ASTN1: variants seen among roughly 807,000 people sequenced by gnomAD.
The protein encoded by ASTN1 is astrotactin 1, also known as astrotactin-1.
ASTN1 carries 41 observed loss-of-function variants against 140.7 expected under a neutral mutation model. That is an observed-to-expected ratio of 0.29 (90% CI 0.23 to 0.38). ASTN1 has a LOEUF of 0.38. ASTN1 is among the 10% of genes least tolerant of loss of function. The pLI, the probability that ASTN1 is intolerant of heterozygous loss-of-function variation, is 1.00. For missense variants in ASTN1, 1,479 were observed against 1,678.8 expected, an observed-to-expected ratio of 0.88 and a Z score of 2.08; for synonymous variants, 640 against 652.2, an observed-to-expected ratio of 0.98 and a Z score of 0.29.
chr1:176,993,204 T>C (rs1311633648), intron 8 of ASTN1, among the ~76,000 whole-genome samples: 2 of 152,208 alleles, frequency 1.3e-5, no homozygotes, highest in Non-Finnish European at 2.9e-5. Flanking sequence ...CTGAGCTGAC[T>C]ACTACAAACA....
At chr1:176,953,023 C>G (rs1395757006) in intron 11 of ASTN1, among the ~76,000 whole-genome samples, 1 of 152,220 alleles carries the variant, frequency 6.6e-6, no homozygotes, top group Non-Finnish European at 1.5e-5. Flanking sequence ...CCCTAAAATA[C>G]ACAAGGTTAA....
chr1:177,130,876 G>T (rs1681908110), intron 1 of ASTN1, among the ~76,000 whole-genome samples: 1 of 152,194 alleles, frequency 6.6e-6, no homozygotes, highest in African/African-American at 2.4e-5. Flanking sequence ...TGCAGAGGCT[G>T]GTTGTTAGGT....
chr1:176,861,201 A>C lies in ASTN1; in HGVS notation c.*3083T>G. ...ATTCTTTCTTCCTTCTGCAGTAGTA[A>C]AGTGTTTTTCTTCATACTCAGTTTT... On this transcript the variant is annotated 3_prime_UTR_variant, in exon 23 of 23. Transcript: ENST00000361833. 3 of 971,330 alleles carry C rather than the reference A, an allele frequency of 3.1e-6. No homozygotes were observed. The South Asian group carries it at 1.4e-4, about 46-fold the overall frequency. The allele number at this position is 971,330 out of a possible 1,614,324, so 60.2% of individuals were successfully genotyped here. A position where few individuals can be genotyped will look rare whatever the true frequency, so the allele number is the denominator to read the frequency against.
intron 20 of ASTN1, 86 bp from the exon 21 acceptor site, chr1:176,876,723 G>T: frequency 7.6e-7 from 1 of 1,318,916 alleles, no homozygotes. Flanking sequence ...GCCCAGCTCT[G>T]CCTGAATGGG....
rs1672376462 is a variant in ASTN1 at position 176,955,828 on chromosome 1, T to A, written c.1887+1850A>T. The stretch of plus-strand genomic sequence containing the variant: ...CCCTGTGTTTGTCTGCTAATGCATG[T>A]GCATGCTCAAACCCATACTGCAGTG... On this transcript the variant is annotated intron_variant, in intron 11 of 22. Coordinates refer to ENST00000361833, the MANE Select transcript of ASTN1 (RefSeq NM_004319.3). 3.3e-5 allele frequency among the ~76,000 whole-genome samples: 5 copies of A among 152,134 alleles called. No individual in the cohort carries two copies. In the South Asian group the frequency reaches 1.0e-3, roughly 32 times the overall value.
chr1:177,056,112 G>A lies in ASTN1; in HGVS notation c.471+4966C>T, dbSNP rs149818947. Among the ~76,000 whole-genome samples the A allele has an allele frequency of 4.4e-3, 667 of 152,296 alleles. 3 individuals carry two copies. Among genetic ancestry groups the A allele is most frequent in the Non-Finnish European group, 6.5e-3 (445 of 68,036 alleles). The stretch of plus-strand genomic sequence containing the variant: ...AATGTAACAGTAAGGGCAAGGATGA[G>A]GCTTTGGTAGAAAGTTGTTATGCAG... On this transcript the variant is annotated intron_variant, in intron 2 of 22. Coordinates refer to ENST00000361833, the MANE Select transcript of ASTN1 (RefSeq NM_004319.3).
intron 2 of ASTN1, among the ~76,000 whole-genome samples, chr1:177,040,284 G>A (rs10913289): frequency 0.43 from 64,933 of 152,106 alleles, 14,269 homozygotes; most frequent in East Asian, 0.73. Context: ...CAGTTGCCAC[G>A]GGCCACTAAG....
At chr1:177,118,427 C>T (rs1558108410) in intron 1 of ASTN1, among the ~76,000 whole-genome samples, 1 of 152,124 alleles carries the variant, frequency 6.6e-6, no homozygotes, top group Non-Finnish European at 1.5e-5. Context: ...GTGGGCCTCA[C>T]TCTCCCGTGC....
At chr1:177,007,230 C>A (rs371737930) in intron 8 of ASTN1, among the ~76,000 whole-genome samples, 1 of 152,000 alleles carries the variant, frequency 6.6e-6, no homozygotes, top group African/African-American at 2.4e-5. Flanking sequence ...CCTGTCTCTA[C>A]TAAAAATACA....
rs564894469 is a variant in ASTN1, at chr1:177,129,329, T to A, written c.283+35065A>T. ...GATCATTATAGTTTCAAAATCAAAC[T>A]ACAAATAAGTGTAAGGACAGAGGAA... On this transcript the variant is annotated intron_variant, in intron 1 of 22. Coordinates refer to ENST00000361833, the MANE Select transcript of ASTN1 (RefSeq NM_004319.3). Among the ~76,000 whole-genome samples, 8 of 152,220 alleles carry A rather than the reference T, an allele frequency of 5.3e-5. No homozygotes were observed. In the South Asian group the frequency reaches 1.7e-3, roughly 32 times the overall value.
intron 1 of ASTN1, among the ~76,000 whole-genome samples, chr1:177,114,871 T>C (rs1035385790): frequency 2.6e-5 from 4 of 152,340 alleles, no homozygotes; most frequent in South Asian, 4.1e-4. Context: ...TCATCAATGA[T>C]GACCATGAAC....
At chr1:177,073,279 C>T (rs940023650) in intron 1 of ASTN1, among the ~76,000 whole-genome samples, 1 of 152,112 alleles carries the variant, frequency 6.6e-6, no homozygotes, top group Non-Finnish European at 1.5e-5. Flanking sequence ...CTCTTTCATT[C>T]ATAAACTGTT....
chr1:177,112,760 G>A (rs1442218431), intron 1 of ASTN1, among the ~76,000 whole-genome samples: 1 of 152,132 alleles, frequency 6.6e-6, no homozygotes, highest in South Asian at 2.1e-4. Context: ...TTTTATCTGT[G>A]CCTTTCACAC....
chr1:176,996,644 A>T (rs1173187414), intron 8 of ASTN1, among the ~76,000 whole-genome samples: 1 of 152,068 alleles, frequency 6.6e-6, no homozygotes, highest in South Asian at 2.1e-4. Context: ...GACTTAATAC[A>T]CGTGTAGGTT....
intron 16 of ASTN1, among the ~76,000 whole-genome samples, chr1:176,916,943 C>T (rs897272388): frequency 3.9e-5 from 6 of 152,148 alleles, no homozygotes; most frequent in African/African-American, 1.2e-4. Context: ...ACTTCCCCTA[C>T]TTACCCCACA....
At chr1:176,868,411 A>C (rs966567990) in intron 22 of ASTN1, among the ~76,000 whole-genome samples, 1 of 152,206 alleles carries the variant, frequency 6.6e-6, no homozygotes, top group Non-Finnish European at 1.5e-5. Flanking sequence ...GTTGCATTTC[A>C]AGAGATGTGG....
At chr1:176,945,245 T>A (rs558123117) in intron 13 of ASTN1, among the ~76,000 whole-genome samples, 1 of 152,336 alleles carries the variant, frequency 6.6e-6, no homozygotes, top group South Asian at 2.1e-4. Context: ...GTAGCTTTAT[T>A]ATATTTATAT....
In ASTN1 at chr1:177,005,089, C is replaced by T. The variant is rs1338951648; in HGVS notation, c.1523+9702G>A. Among the ~76,000 whole-genome samples, 3 of 152,044 alleles carry T rather than the reference C, an allele frequency of 2.0e-5. No homozygotes were observed. The East Asian group carries it at 5.8e-4, about 29-fold the overall frequency. On this transcript the variant is annotated intron_variant, in intron 8 of 22. Coordinates refer to ENST00000361833, the MANE Select transcript of ASTN1 (RefSeq NM_004319.3). ...TGGGAGAAAATATTTGCAAAACATG[C>T]ATCTGCAAAGGACTAATATCCAAAA...
chr1:176,954,775 G>A (rs902868498), intron 11 of ASTN1, among the ~76,000 whole-genome samples: 3 of 152,164 alleles, frequency 2.0e-5, no homozygotes, highest in African/African-American at 4.8e-5. Flanking sequence ...TCAGCAATCC[G>A]TGGCTACTGG....
Sources: gnomAD v4.1 joint callset for allele counts (sites outside exome capture counted in the v4.1 genomes callset) on GRCh38, gnomAD v4.1.1 for gene constraint, MANE v1.5 for transcripts, NCBI Gene and HGNC (gene_info 2026-07-23, HGNC 2026-07-21) for gene names.